STXBP5L: variants seen among roughly 807,000 people sequenced by gnomAD.
The protein encoded by STXBP5L is syntaxin binding protein 5L, also known as syntaxin-binding protein 5-like.
A neutral mutation model predicts 144.5 loss-of-function variants in STXBP5L; 65 were observed. That is an observed-to-expected ratio of 0.45 (90% CI 0.37 to 0.55). STXBP5L has a LOEUF of 0.55. Among genes scored for constraint, STXBP5L ranks in the 20% least tolerant of loss-of-function variants. STXBP5L has a pLI of 0.00. For synonymous variants in STXBP5L, 505 were observed against 469.6 expected (o/e 1.08, Z -0.97); for missense variants, 1,298 against 1,405.5 (o/e 0.92, Z 1.22).
intron 5 of STXBP5L, among the ~76,000 whole-genome samples, chr3:121,060,621 A>G (rs898819076): frequency 2.6e-5 from 4 of 152,172 alleles, no homozygotes; most frequent in Non-Finnish European, 5.9e-5. Context: ...TTTGGTTGTT[A>G]GGCTATTAAT....
chr3:121,080,434 C>T (rs2042203255), intron 5 of STXBP5L, among the ~76,000 whole-genome samples: 1 of 151,934 alleles, frequency 6.6e-6, no homozygotes, highest in Non-Finnish European at 1.5e-5. Flanking sequence ...GAGATTTATG[C>T]TTTAAGGGGT....
intron 3 of STXBP5L, among the ~76,000 whole-genome samples, chr3:120,992,944 C>T (rs1943046106): frequency 6.6e-6 from 1 of 152,080 alleles, no homozygotes; most frequent in Non-Finnish European, 1.5e-5. Flanking sequence ...TCCTTTTCTC[C>T]ACATCCTTGC....
At chr3:121,293,128 T>C (rs2051508159) in intron 19 of STXBP5L, among the ~76,000 whole-genome samples, 1 of 152,178 alleles carries the variant, frequency 6.6e-6, no homozygotes, top group Non-Finnish European at 1.5e-5. Flanking sequence ...GGTGCTCTGC[T>C]CCGCAATAAA....
At chr3:120,917,532 C>T (rs1709163223) in intron 2 of STXBP5L, among the ~76,000 whole-genome samples, 1 of 152,002 alleles carries the variant, frequency 6.6e-6, no homozygotes, top group Admixed American at 6.6e-5. Context: ...TAAGATTTGC[C>T]TTTTAAAATA....
chr3:120,980,049 T>G (rs1277046818), intron 3 of STXBP5L, among the ~76,000 whole-genome samples: 1 of 152,214 alleles, frequency 6.6e-6, no homozygotes, highest in Non-Finnish European at 1.5e-5. Flanking sequence ...TCTGTTGGTG[T>G]TGATTTCCAG....
intron 22 of STXBP5L, among the ~76,000 whole-genome samples, chr3:121,401,189 A>C (rs1365651261): frequency 1.3e-5 from 2 of 152,194 alleles, no homozygotes; most frequent in South Asian, 4.1e-4. Flanking sequence ...TTCATTTTTC[A>C]AATAACAAAT....
At chr3:121,245,577 C>G (rs931418868) in intron 14 of STXBP5L, among the ~76,000 whole-genome samples, 2 of 151,964 alleles carry the variant, frequency 1.3e-5, no homozygotes, top group Non-Finnish European at 2.9e-5. Flanking sequence ...TTTAAGGACA[C>G]ACATAGGTTG....
At chr3:121,005,645 G>A (rs1207505075) in intron 3 of STXBP5L, among the ~76,000 whole-genome samples, 2 of 152,048 alleles carry the variant, frequency 1.3e-5, no homozygotes, top group Non-Finnish European at 1.5e-5. Context: ...TGTGATGTTA[G>A]GGTGTCAATT....
chr3:121,235,808 C>G (rs1216705526), intron 12 of STXBP5L, among the ~76,000 whole-genome samples: 1 of 149,684 alleles, frequency 6.7e-6, no homozygotes, highest in South Asian at 2.1e-4. Flanking sequence ...AAAGAGAACT[C>G]CTGCCAGAAC....
At chr3:121,093,971 G>A (rs917825660) in intron 5 of STXBP5L, among the ~76,000 whole-genome samples, 1 of 152,030 alleles carries the variant, frequency 6.6e-6, no homozygotes, top group African/African-American at 2.4e-5. Flanking sequence ...GGTACGTTGT[G>A]TCTTTGTTCT....
intron 3 of STXBP5L, among the ~76,000 whole-genome samples, chr3:121,023,820 A>G (rs1030766028): frequency 1.3e-5 from 2 of 152,162 alleles, no homozygotes; most frequent in African/African-American, 4.8e-5. Flanking sequence ...CAGTGGTGCA[A>G]TCTTGGCTCA....
intron 5 of STXBP5L, among the ~76,000 whole-genome samples, chr3:121,083,959 G>GT (rs1348675204): frequency 1.3e-5 from 2 of 151,772 alleles, no homozygotes; most frequent in African/African-American, 2.4e-5. Flanking sequence ...TGTTTGCACT[G>GT]TTTTTTCTTT....
At chr3:121,178,739 G>A (rs2047028391) in intron 9 of STXBP5L, among the ~76,000 whole-genome samples, 1 of 152,076 alleles carries the variant, frequency 6.6e-6, no homozygotes. Flanking sequence ...GAAAGTAGAA[G>A]TAGCATTGAG....
chr3:121,135,161 G>C (rs1196344835), intron 7 of STXBP5L, among the ~76,000 whole-genome samples: 1 of 152,158 alleles, frequency 6.6e-6, no homozygotes, highest in Admixed American at 6.5e-5. Context: ...GGCCAGTGAT[G>C]ATGAGCATTT....
At chr3:121,122,916 T>C (rs959539551) in intron 7 of STXBP5L, among the ~76,000 whole-genome samples, 2 of 151,354 alleles carry the variant, frequency 1.3e-5, no homozygotes, top group African/African-American at 4.8e-5. Flanking sequence ...ACATGTAAAA[T>C]ATATAAAGAA....
At chr3:121,312,968 C>T (rs554510252) in intron 19 of STXBP5L, among the ~76,000 whole-genome samples, 2 of 152,204 alleles carry the variant, frequency 1.3e-5, no homozygotes, top group Non-Finnish European at 2.9e-5. Context: ...CACCAATGAG[C>T]CGCTGGGCAC....
At chr3:121,198,242 A>G (rs1384225702) in intron 9 of STXBP5L, among the ~76,000 whole-genome samples, 2 of 152,232 alleles carry the variant, frequency 1.3e-5, no homozygotes, top group East Asian at 1.9e-4. Flanking sequence ...TCTAATGACC[A>G]GTGATGATGA....
chr3:121,386,305 T>C (rs1215210505), intron 22 of STXBP5L, among the ~76,000 whole-genome samples: 5 of 152,170 alleles, frequency 3.3e-5, no homozygotes, highest in Non-Finnish European at 7.4e-5. Context: ...ACCTTATAAG[T>C]GAGAACATGT....
At chr3:121,177,177 A>C (rs2046969333) in intron 9 of STXBP5L, among the ~76,000 whole-genome samples, 1 of 152,094 alleles carries the variant, frequency 6.6e-6, no homozygotes, top group Non-Finnish European at 1.5e-5. Context: ...CGAACAAAAC[A>C]AAGACACTGT....
Sources: allele counts gnomAD v4.1 joint callset (sites outside exome capture counted in the v4.1 genomes callset), GRCh38; gene constraint gnomAD v4.1.1; transcripts MANE v1.5; gene names NCBI Gene and HGNC (gene_info 2026-07-23, HGNC 2026-07-21).